The following NLGN1 variants were observed in gnomAD, a reference collection of about 807,000 sequenced individuals.
NLGN1 encodes the protein neuroligin-1.
In NLGN1, 12 loss-of-function variants were observed where a neutral mutation model predicts 65.5. The ratio of observed to expected loss-of-function variants is 0.18; its 90% CI spans 0.12 to 0.30. The LOEUF (loss-of-function observed/expected upper bound fraction) is 0.30. Among genes scored for constraint, NLGN1 ranks in the 10% least tolerant of loss-of-function variants. The pLI is 1.00. For synonymous variants in NLGN1, 350 were observed against 359.5 expected (o/e 0.97, Z 0.30); for missense variants, 750 against 1,007.1 (o/e 0.74, Z 3.46).
At chr3:174,134,531 C>T (rs1720846920) in intron 4 of NLGN1, among the ~76,000 whole-genome samples, 1 of 152,134 alleles carries the variant, frequency 6.6e-6, no homozygotes, top group Non-Finnish European at 1.5e-5. Context: ...CTGTCCCCTT[C>T]CAGACTTTAT....
intron 4 of NLGN1, among the ~76,000 whole-genome samples, chr3:173,924,639 AT>A (rs1742689923): frequency 1.3e-5 from 2 of 151,964 alleles, no homozygotes; most frequent in African/African-American, 4.8e-5. Context: ...AAAAATAAAA[AT>A]AAAAATAAAA....
intron 3 of NLGN1, among the ~76,000 whole-genome samples, chr3:173,720,549 A>G (rs1410368583): frequency 2.6e-5 from 4 of 152,172 alleles, no homozygotes; most frequent in Non-Finnish European, 4.4e-5. Context: ...TGGATATTTC[A>G]ATTCTGTTTC....
intron 4 of NLGN1, among the ~76,000 whole-genome samples, chr3:174,184,364 A>G (rs201287641): frequency 1.4e-5 from 2 of 142,180 alleles, no homozygotes; most frequent in African/African-American, 5.2e-5. Flanking sequence ...AGTACTCATT[A>G]TAAATAATAA....
At chr3:174,192,418 G>C (rs936972551) in intron 4 of NLGN1, among the ~76,000 whole-genome samples, 1 of 152,128 alleles carries the variant, frequency 6.6e-6, no homozygotes, top group African/African-American at 2.4e-5. Flanking sequence ...TATAATTAAA[G>C]AGATTAAATG....
chr3:173,735,270 G>C (rs1419433604), intron 3 of NLGN1, among the ~76,000 whole-genome samples: 2 of 152,088 alleles, frequency 1.3e-5, no homozygotes, highest in Admixed American at 1.3e-4. Context: ...TCCAAAAAGT[G>C]AATATTTTGT....
intron 3 of NLGN1, among the ~76,000 whole-genome samples, chr3:173,768,461 C>T (rs963970337): frequency 6.0e-5 from 9 of 149,924 alleles, no homozygotes; most frequent in Non-Finnish European, 8.9e-5. Flanking sequence ...AGATTTGCCT[C>T]TTAGGATCTT....
chr3:173,686,343 C>CT (rs1365337703), intron 3 of NLGN1, among the ~76,000 whole-genome samples: 1 of 150,864 alleles, frequency 6.6e-6, no homozygotes, highest in African/African-American at 2.4e-5. Context: ...ATTTCTTTTA[C>CT]TTCCTCTCTT....
At chr3:173,463,972 A>G (rs1385553845) in intron 2 of NLGN1, among the ~76,000 whole-genome samples, 1 of 152,026 alleles carries the variant, frequency 6.6e-6, no homozygotes, top group Non-Finnish European at 1.5e-5. Flanking sequence ...ATATTATGGT[A>G]AATATCCATA....
At chr3:174,162,998 C>G (rs529684931) in intron 4 of NLGN1, among the ~76,000 whole-genome samples, 72 of 151,972 alleles carry the variant, frequency 4.7e-4, no homozygotes, top group South Asian at 1.5e-3. Flanking sequence ...TCTTTAGCCA[C>G]TACTTTTTAG....
At chr3:173,450,966 A>T (rs1721390495) in intron 2 of NLGN1, among the ~76,000 whole-genome samples, 2 of 151,740 alleles carry the variant, frequency 1.3e-5, no homozygotes, top group South Asian at 2.1e-4. Flanking sequence ...CATTCATCTA[A>T]TTTTTTTTCA....
At chr3:174,025,001 G>A (rs114285122) in intron 4 of NLGN1, among the ~76,000 whole-genome samples, 1 of 152,100 alleles carries the variant, frequency 6.6e-6, no homozygotes, top group Non-Finnish European at 1.5e-5. Flanking sequence ...GCTGTTCTTT[G>A]TTAGCTCTTT....
intron 1 of NLGN1, among the ~76,000 whole-genome samples, chr3:173,423,362 A>T (rs1715479882): frequency 6.6e-6 from 1 of 152,124 alleles, no homozygotes; most frequent in Admixed American, 6.6e-5. Context: ...CAGTCCCCCA[A>T]AGACTTAACT....
intron 3 of NLGN1, among the ~76,000 whole-genome samples, chr3:173,784,979 AG>A (rs1326508446): frequency 1.3e-5 from 2 of 151,878 alleles, no homozygotes; most frequent in Non-Finnish European, 2.9e-5. Flanking sequence ...ACTAGACAAA[AG>A]AATACACACA....
At chr3:174,045,860 C>T (rs1033832438) in intron 4 of NLGN1, among the ~76,000 whole-genome samples, 2 of 152,068 alleles carry the variant, frequency 1.3e-5, no homozygotes, top group East Asian at 1.9e-4. Context: ...ATTCTTCTTC[C>T]TTATCAGTTG....
chr3:174,247,261 G>A (rs910663468), intron 4 of NLGN1, among the ~76,000 whole-genome samples: 4 of 152,134 alleles, frequency 2.6e-5, no homozygotes, highest in African/African-American at 4.8e-5. Flanking sequence ...ATGTACAGTC[G>A]TTGAATGACT....
chr3:173,712,858 CT>C (rs1769208906), intron 3 of NLGN1, among the ~76,000 whole-genome samples: 1 of 151,774 alleles, frequency 6.6e-6, no homozygotes, highest in Admixed American at 6.6e-5. Flanking sequence ...AATTGTAAAA[CT>C]TCAGAACAGG....
At chr3:173,405,017 A>G (rs1301886902) in intron 1 of NLGN1, among the ~76,000 whole-genome samples, 2 of 152,156 alleles carry the variant, frequency 1.3e-5, no homozygotes, top group Non-Finnish European at 2.9e-5. Flanking sequence ...CATCTTTTAC[A>G]TGAATAAAAC....
intron 4 of NLGN1, among the ~76,000 whole-genome samples, chr3:173,813,819 C>G (rs934929849): frequency 6.6e-6 from 1 of 152,040 alleles, no homozygotes; most frequent in Non-Finnish European, 1.5e-5. Context: ...GAAAAAAATA[C>G]GCAAATAATA....
intron 4 of NLGN1, among the ~76,000 whole-genome samples, chr3:173,840,378 T>G (rs1724553386): frequency 6.6e-6 from 1 of 152,178 alleles, no homozygotes; most frequent in Non-Finnish European, 1.5e-5. Flanking sequence ...ATAACTAATT[T>G]GATAGAGTTT....
Sources: gnomAD v4.1 joint callset for allele counts (sites outside exome capture counted in the v4.1 genomes callset) on GRCh38, gnomAD v4.1.1 for gene constraint, MANE v1.5 for transcripts, NCBI Gene and HGNC (gene_info 2026-07-23, HGNC 2026-07-21) for gene names.